DPP10: variants seen among roughly 807,000 people sequenced by gnomAD.
The protein encoded by DPP10 is inactive dipeptidyl peptidase 10.
Under a neutral mutation model 120.9 loss-of-function variants are expected in DPP10, and 33 were observed. The ratio of observed to expected loss-of-function variants is 0.27; its 90% CI spans 0.21 to 0.37. The LOEUF is 0.37. Among genes scored for constraint, DPP10 ranks in the 10% least tolerant of loss-of-function variants. DPP10 has a pLI of 1.00. For missense variants in DPP10, 816 were observed against 942.8 expected (o/e 0.87, Z 1.76); for synonymous variants, 337 against 326.1 (o/e 1.03, Z -0.36).
At chr2:114,867,830 C>G (rs1690364221) in intron 1 of DPP10, among the ~76,000 whole-genome samples, 1 of 152,134 alleles carries the variant, frequency 6.6e-6, no homozygotes, top group Non-Finnish European at 1.5e-5. Flanking sequence ...ATGGTGTCAC[C>G]AGAAAAGGTC....
chr2:115,636,507 C>T (rs1017470217), intron 5 of DPP10, among the ~76,000 whole-genome samples: 3 of 151,968 alleles, frequency 2.0e-5, no homozygotes, highest in Admixed American at 2.0e-4. Flanking sequence ...ATTGTGCAAT[C>T]TCCTTTGGAT....
intron 1 of DPP10, among the ~76,000 whole-genome samples, chr2:114,981,889 G>A (rs1574627618): frequency 6.6e-6 from 1 of 151,286 alleles, no homozygotes; most frequent in Non-Finnish European, 1.5e-5. Flanking sequence ...GAGCCATTGT[G>A]TTCCACCTTT....
intron 5 of DPP10, among the ~76,000 whole-genome samples, chr2:115,535,978 T>A (rs1364019423): frequency 1.3e-5 from 2 of 152,086 alleles, no homozygotes; most frequent in Non-Finnish European, 2.9e-5. Context: ...CCTGAGACTT[T>A]GCTGAAGTTG....
chr2:115,140,324 T>C (rs1031477875), intron 1 of DPP10, among the ~76,000 whole-genome samples: 16 of 151,742 alleles, frequency 1.1e-4, no homozygotes, highest in Non-Finnish European at 2.2e-4. Flanking sequence ...GCTCGGAGAG[T>C]TTCTGTTTAA....
At chr2:115,527,820 C>T (rs935219501) in intron 5 of DPP10, among the ~76,000 whole-genome samples, 5 of 151,994 alleles carry the variant, frequency 3.3e-5, no homozygotes, top group East Asian at 1.9e-4. Flanking sequence ...AATATCACTA[C>T]GAATCTATCA....
At chr2:115,275,368 C>T (rs578112395) in intron 1 of DPP10, among the ~76,000 whole-genome samples, 21 of 152,204 alleles carry the variant, frequency 1.4e-4, no homozygotes, top group African/African-American at 4.6e-4. Flanking sequence ...ATTTACATAA[C>T]GAATCTATCG....
chr2:115,635,758 A>G (rs780230392), intron 5 of DPP10, among the ~76,000 whole-genome samples: 2 of 152,202 alleles, frequency 1.3e-5, no homozygotes, highest in Non-Finnish European at 2.9e-5. Flanking sequence ...CAGTCAGCAC[A>G]TAATTTTAGA....
rs1466236688 is a variant in DPP10, at chr2:114,460,194, T to TATC, written c.60+17357_60+17359dup. Reference sequence around the variant, plus strand: ...ATATCTATCTATCTATCTATCTATCTATCTATCTATCTATCTATCTATCTA... The same window carrying TATC: ...ATATCTATCTATCTATCTATCTATCTATCATCTATCTATCTATCTATCTATCTA... On this transcript the variant is annotated intron_variant, in intron 1 of 25. Transcript: ENST00000410059. Among the ~76,000 whole-genome samples the TATC allele has an allele frequency of 9.2e-5, 14 of 151,904 alleles. No homozygotes were observed. The South Asian group carries it at 2.1e-3, about 23-fold the overall frequency.
At chr2:115,642,064 G>T (rs556745386) in intron 5 of DPP10, among the ~76,000 whole-genome samples, 1 of 152,074 alleles carries the variant, frequency 6.6e-6, no homozygotes, top group Non-Finnish European at 1.5e-5. Context: ...AATTAGATAG[G>T]AGAATTATAA....
intron 7 of DPP10, among the ~76,000 whole-genome samples, chr2:115,702,872 TAAAG>T (rs1271504971): frequency 2.0e-5 from 3 of 152,100 alleles, no homozygotes; most frequent in Non-Finnish European, 4.4e-5. Flanking sequence ...GGTGTTTTTC[TAAAG>T]AAAGAACTGG....
At chr2:115,067,645 C>T (rs1001744801) in intron 1 of DPP10, among the ~76,000 whole-genome samples, 4 of 147,008 alleles carry the variant, frequency 2.7e-5, no homozygotes, top group South Asian at 2.2e-4. Flanking sequence ...AGGGGGATCA[C>T]GAGGTCAGGA....
intron 17 of DPP10, among the ~76,000 whole-genome samples, chr2:115,787,668 C>T (rs113354283): frequency 3.3e-5 from 5 of 152,068 alleles, no homozygotes; most frequent in African/African-American, 1.2e-4. Context: ...ATATTTGATG[C>T]AATAACGGCC....
chr2:114,662,729 C>A (rs899294061), intron 1 of DPP10, among the ~76,000 whole-genome samples: 1 of 152,234 alleles, frequency 6.6e-6, no homozygotes, highest in Admixed American at 6.5e-5. Context: ...TCCCGCATGG[C>A]GCTTTGGCTC....
chr2:115,533,255 G>A (rs541474136), intron 5 of DPP10, among the ~76,000 whole-genome samples: 1 of 151,964 alleles, frequency 6.6e-6, no homozygotes, highest in Admixed American at 6.6e-5. Flanking sequence ...AGCTTTTTCC[G>A]AATGCAAGAG....
chr2:115,723,638 A>G (rs1255842510), intron 7 of DPP10, among the ~76,000 whole-genome samples: 1 of 62,622 alleles, frequency 1.6e-5, no homozygotes, highest in Non-Finnish European at 4.1e-5. Context: ...TTTTTTTTTT[A>G]CACGGCTAGG....
intron 1 of DPP10, among the ~76,000 whole-genome samples, chr2:115,090,739 T>A (rs1709177945): frequency 6.6e-6 from 1 of 151,954 alleles, no homozygotes; most frequent in Non-Finnish European, 1.5e-5. Flanking sequence ...TATTTATTGG[T>A]GAGAGAGGTT....
intron 3 of DPP10, among the ~76,000 whole-genome samples, chr2:115,421,980 C>G (rs1027867658): frequency 2.0e-5 from 3 of 151,570 alleles, no homozygotes; most frequent in Non-Finnish European, 4.4e-5. Context: ...GCACCCCCAC[C>G]TCTCAAATGC....
intron 3 of DPP10, among the ~76,000 whole-genome samples, chr2:115,476,576 C>A (rs2075096933): frequency 6.6e-6 from 1 of 152,028 alleles, no homozygotes. Context: ...ATTTAAATAG[C>A]CAGATATTGT....
chr2:115,841,348 A>G (rs1690126295), intron 25 of DPP10, among the ~76,000 whole-genome samples: 1 of 152,200 alleles, frequency 6.6e-6, no homozygotes, highest in African/African-American at 2.4e-5. Flanking sequence ...GCATTCATAC[A>G]TTTAATATAT....
Sources: gnomAD v4.1 joint callset for allele counts (sites outside exome capture counted in the v4.1 genomes callset) on GRCh38, gnomAD v4.1.1 for gene constraint, MANE v1.5 for transcripts, NCBI Gene and HGNC (gene_info 2026-07-23, HGNC 2026-07-21) for gene names.